GALNT18: variants seen among roughly 807,000 people sequenced by gnomAD.
The protein encoded by GALNT18 is polypeptide N-acetylgalactosaminyltransferase 18.
A neutral mutation model predicts 69.5 loss-of-function variants in GALNT18; 44 were observed. The ratio of observed to expected loss-of-function variants is 0.63; its 90% confidence interval spans 0.50 to 0.81. The LOEUF (loss-of-function observed/expected upper bound fraction) is 0.81. Ranked by LOEUF, GALNT18 falls within the 40% of genes least tolerant of loss-of-function variation. GALNT18 has a pLI of 0.00. For synonymous variants in GALNT18, 364 were observed against 318.2 expected (o/e 1.14, Z -1.53); for missense variants, 715 against 810.0 (o/e 0.88, Z 1.42).
At chr11:11,536,061 G>C (rs193280801) in intron 1 of GALNT18, among the ~76,000 whole-genome samples, 11 of 152,304 alleles carry the variant, frequency 7.2e-5, no homozygotes, top group Admixed American at 5.2e-4. Context: ...TAAGCAAGCA[G>C]ATCTTTCAAC....
intron 3 of GALNT18, among the ~76,000 whole-genome samples, chr11:11,399,562 G>T (rs183657168): frequency 1.1e-3 from 170 of 152,282 alleles, no homozygotes; most frequent in Non-Finnish European, 1.9e-3. Flanking sequence ...ACAACAGCAA[G>T]AATGACTACA....
At chr11:11,457,110 A>C (rs1297472868) in intron 1 of GALNT18, among the ~76,000 whole-genome samples, 1 of 152,260 alleles carries the variant, frequency 6.6e-6, no homozygotes, top group African/African-American at 2.4e-5. Context: ...TGCTGAAAGT[A>C]GGAATTCCTG....
rs1292469873 is a variant in GALNT18, at chr11:11,563,881, G to C, written c.235+57478C>G. Among the ~76,000 whole-genome samples, 1 of 152,186 alleles carries C rather than the reference G, an allele frequency of 6.6e-6. No individual in the cohort carries two copies. Among genetic ancestry groups the C allele is most frequent in the African/African-American group, 2.4e-5 (1 of 41,444 alleles). On this transcript the variant is annotated intron_variant, in intron 1 of 10. Transcript: ENST00000227756. This position sits in a 1 kb window ranked among gnomAD's most constrained non-coding sequence, Gnocchi z 4.6. ...GGATTTGGGAGCAAATTTTTGCAAA[G>C]CTCCCCAAAGCATTTTGAGTTCTGA...
chr11:11,271,665 T>C (rs1848831304), intron 10 of GALNT18, among the ~76,000 whole-genome samples: 1 of 152,190 alleles, frequency 6.6e-6, no homozygotes, highest in Non-Finnish European at 1.5e-5. Flanking sequence ...TGGCCTGCAT[T>C]TGAGCATCAC....
chr11:11,495,852 A>T (rs961363052), intron 1 of GALNT18, among the ~76,000 whole-genome samples: 1 of 152,214 alleles, frequency 6.6e-6, no homozygotes, highest in Non-Finnish European at 1.5e-5. Flanking sequence ...GGGTAGCACC[A>T]TAAAAGGCTG....
At chr11:11,379,487 C>T (rs1221085748) in intron 3 of GALNT18, among the ~76,000 whole-genome samples, 1 of 152,134 alleles carries the variant, frequency 6.6e-6, no homozygotes, top group Non-Finnish European at 1.5e-5. Context: ...TTCTGAGGTC[C>T]AGCAATGCAC....
rs1038602894 is a variant in GALNT18 at position 11,573,534 on chromosome 11, C to A, written c.235+47825G>T. 3.9e-5 allele frequency: 6 copies of A among 152,170 alleles called. No individual in the cohort carries two copies. Among genetic ancestry groups the A allele is most frequent in the Non-Finnish European group, 8.8e-5 (6 of 68,034 alleles). The allele number at this position is 152,170 out of a possible 1,614,324, so 9.4% of individuals were successfully genotyped here. On this transcript the variant is annotated intron_variant, in intron 1 of 10. Transcript: ENST00000227756. The surrounding 1 kb of genome is among the most constrained non-coding windows in gnomAD (Gnocchi z 4.6). ...TTTCCTTATTTTACAGATGCAGAAC[C>A]TGATGCCCAGCAAAGGGGAAAGGAT...
chr11:11,547,382 A>G (rs1446376781), intron 1 of GALNT18, among the ~76,000 whole-genome samples: 1 of 152,194 alleles, frequency 6.6e-6, no homozygotes, highest in Non-Finnish European at 1.5e-5. Flanking sequence ...TGATGCAAAC[A>G]GCATTCAAAG....
intron 2 of GALNT18, among the ~76,000 whole-genome samples, chr11:11,445,673 C>T (rs1160448381): frequency 6.6e-6 from 1 of 152,186 alleles, no homozygotes; most frequent in Non-Finnish European, 1.5e-5. Context: ...CAAAGAGAAC[C>T]CTCCACTGTT....
At position 11,620,572 on chromosome 11, in the gene GALNT18, G is replaced by A. The variant is rs543996702; in HGVS notation, c.235+787C>T. On this transcript the variant is annotated intron_variant, in intron 1 of 10. Transcript: ENST00000227756. The surrounding 1 kb of genome is among the most constrained non-coding windows in gnomAD (Gnocchi z 6.9). ...GGCCTGAGAGTGGAGCTACAGTAGG[G>A]ATCGGCCTTCACCCGGTCCCGGGCG... Among the ~76,000 whole-genome samples, 1 of 152,288 alleles carries A rather than the reference G, an allele frequency of 6.6e-6. No individual in the cohort carries two copies. Among genetic ancestry groups the A allele is most frequent in the Admixed American group, 6.5e-5 (1 of 15,308 alleles).
rs561209069 is a variant in GALNT18, at chr11:11,444,036, T to A, written c.428+4708A>T. ...CTTTGGGAGGCCATTATTCTGCCTA[T>A]CCATGAAGCCAGGACCCCCCAAAGT... On this transcript the variant is annotated intron_variant, in intron 2 of 10. Coordinates refer to ENST00000227756, the MANE Select transcript of GALNT18 (RefSeq NM_198516.3). This position sits in a 1 kb window ranked among gnomAD's most constrained non-coding sequence, Gnocchi z 4.4. Among the ~76,000 whole-genome samples the A allele has an allele frequency of 6.6e-6, 1 of 152,312 alleles. No individual in the cohort carries two copies. Among genetic ancestry groups the A allele is most frequent in the South Asian group, 2.1e-4 (1 of 4,830 alleles).
At chr11:11,431,943 G>T (rs1029387201) in intron 3 of GALNT18, among the ~76,000 whole-genome samples, 3 of 152,208 alleles carry the variant, frequency 2.0e-5, no homozygotes, top group East Asian at 3.8e-4. Context: ...TGGCATATGG[G>T]GGGGCAAAGA....
rs1438542262 is a variant in GALNT18, at chr11:11,307,102, G to A, written c.1513-13909C>T. On this transcript the variant is annotated intron_variant, in intron 9 of 10. Transcript: ENST00000227756. ...GAGCAGCAGTTGACCACAGATGCCT[G>A]AGTCAGCCCAGCTGAGACTAGCAGA... 2.6e-5 allele frequency among the ~76,000 whole-genome samples: 4 copies of A among 152,186 alleles called. No homozygotes were observed. In the East Asian group the frequency reaches 5.8e-4, roughly 22 times the overall value.
At position 11,563,457 on chromosome 11, in the gene GALNT18, C is replaced by T. The variant is rs886122527; in HGVS notation, c.235+57902G>A. Among the ~76,000 whole-genome samples, 1 of 152,174 alleles carries T rather than the reference C, an allele frequency of 6.6e-6. No individual in the cohort carries two copies. The highest frequency in any genetic ancestry group is 2.1e-4 in the South Asian group (1 of 4,814). ...CAGCTGGGAGTCTCACCATGAAGGG[C>T]CCCACAAGTAGTTTCCAACTTGTGA... On this transcript the variant is annotated intron_variant, in intron 1 of 10. Transcript: ENST00000227756. This position sits in a 1 kb window ranked among gnomAD's most constrained non-coding sequence, Gnocchi z 4.6.
intron 1 of GALNT18, among the ~76,000 whole-genome samples, chr11:11,535,788 C>A (rs902972231): frequency 6.6e-6 from 1 of 152,224 alleles, no homozygotes; most frequent in African/African-American, 2.4e-5. Context: ...TCCTGCCAGG[C>A]TCCCACCTTC....
At chr11:11,482,935 T>C (rs1856565103) in intron 1 of GALNT18, among the ~76,000 whole-genome samples, 1 of 152,234 alleles carries the variant, frequency 6.6e-6, no homozygotes, top group African/African-American at 2.4e-5. Context: ...ATGCAGGCTC[T>C]TGGACCCCAG....
At position 11,454,326 on chromosome 11, in the gene GALNT18, G is replaced by A. The variant is rs989718531; in HGVS notation, c.236-5390C>T. Among the ~76,000 whole-genome samples, 1 of 152,060 alleles carries A rather than the reference G, an allele frequency of 6.6e-6. No homozygotes were observed. The highest frequency in any genetic ancestry group is 1.5e-5 in the Non-Finnish European group (1 of 68,018). On this transcript the variant is annotated intron_variant, in intron 1 of 10. Coordinates refer to ENST00000227756, the MANE Select transcript of GALNT18 (RefSeq NM_198516.3). This position sits in a 1 kb window ranked among gnomAD's most constrained non-coding sequence, Gnocchi z 4.2. ...GGTAGTTCCACAAAATACGGTCAGTGGTAAGCAATCTCCACTGCTCTCCCA... is the reference window on the plus strand; with the variant it reads ...GGTAGTTCCACAAAATACGGTCAGTAGTAAGCAATCTCCACTGCTCTCCCA...
At chr11:11,296,233 G>A (rs1247155867) in intron 9 of GALNT18, among the ~76,000 whole-genome samples, 1 of 152,164 alleles carries the variant, frequency 6.6e-6, no homozygotes, top group East Asian at 1.9e-4. Flanking sequence ...CCAATCACAT[G>A]AATATGAGAA....
chr11:11,284,991 CTTG>C (rs2132992273), intron 10 of GALNT18, among the ~76,000 whole-genome samples: 2 of 143,402 alleles, frequency 1.4e-5, no homozygotes, highest in South Asian at 4.5e-4. Context: ...CTGCCCAGGG[CTTG>C]TTGTGTGAAG....
Sources: allele counts gnomAD v4.1 joint callset (sites outside exome capture counted in the v4.1 genomes callset), GRCh38; gene constraint gnomAD v4.1.1; non-coding constraint Gnocchi (gnomAD v3.1); transcripts MANE v1.5; gene names NCBI Gene and HGNC (gene_info 2026-07-23, HGNC 2026-07-21).